SPTLC3: variants seen among roughly 807,000 people sequenced by gnomAD.
SPTLC3 encodes serine palmitoyltransferase long chain base subunit 3.
A neutral mutation model predicts 59.3 loss-of-function variants in SPTLC3; 36 were observed. That is an observed-to-expected ratio of 0.61 (90% CI 0.47 to 0.80). The LOEUF is 0.80. Ranked by LOEUF, SPTLC3 falls within the 30% of genes least tolerant of loss-of-function variation. SPTLC3 has a pLI of 0.00. For missense variants in SPTLC3, 625 were observed against 685.1 expected (o/e 0.91, Z 0.98); for synonymous variants, 257 against 240.8 (o/e 1.07, Z -0.62).
chr20:13,043,895 AG>A (rs1987105293), intron 1 of SPTLC3, among the ~76,000 whole-genome samples: 1 of 152,066 alleles, frequency 6.6e-6, no homozygotes, highest in Admixed American at 6.6e-5. Context: ...CAGGGATAAC[AG>A]GTTGATAAGA....
chr20:13,021,308 T>C lies in SPTLC3; in HGVS notation c.117+11924T>C, dbSNP rs989569815. On this transcript the variant is annotated intron_variant, in intron 1 of 11. Transcript: ENST00000399002. ...GCCCCTCTATTCTTTTCTAACTGCA[T>C]ATCTCTCATGAAGATCTGATCTTGT... 2.0e-5 allele frequency among the ~76,000 whole-genome samples: 3 copies of C among 152,214 alleles called. No individual in the cohort carries two copies. The South Asian group carries it at 6.2e-4, about 32-fold the overall frequency.
At chr20:13,059,192 G>A in intron 2 of SPTLC3, among the ~76,000 whole-genome samples, 1 of 152,080 alleles carries the variant, frequency 6.6e-6, no homozygotes, top group East Asian at 1.9e-4. Context: ...CTACATGACT[G>A]CTGTTTTTAT....
chr20:13,014,760 G>A (rs928254509), intron 1 of SPTLC3, among the ~76,000 whole-genome samples: 6 of 149,700 alleles, frequency 4.0e-5, no homozygotes, highest in Admixed American at 2.0e-4. Flanking sequence ...GGGAGATGGC[G>A]TACAACACAT....
rs1178252278 is a variant in SPTLC3 at position 13,072,365 on chromosome 20, T to G, written c.413T>G (p.Phe138Cys). 1 of 1,613,092 alleles carries G rather than the reference T, an allele frequency of 6.2e-7. No homozygotes were observed. Among genetic ancestry groups the G allele is most frequent in the Middle Eastern group, 1.6e-4 (1 of 6,080 alleles). The change falls in exon 3 of 12, where the codon TTT (phenylalanine) becomes TGT (cysteine). Residue 138 changes from phenylalanine to cysteine, a missense_variant. Coordinates refer to ENST00000399002, the MANE Select transcript of SPTLC3 (RefSeq NM_018327.4). ...ATCTGCAGTGCCCCAGGGCCTCTGTTTGATTTGATGGAGAGGGTATCAGAC... is the reference window on the plus strand; with the variant it reads ...ATCTGCAGTGCCCCAGGGCCTCTGTGTGATTTGATGGAGAGGGTATCAGAC... ...RPICSAPGPL[F>C]DLMERVSDDY...
chr20:13,072,114 C>A, intron 2 of SPTLC3, 142 bp from the exon 3 acceptor site: 1 of 839,430 alleles, frequency 1.2e-6, no homozygotes. Flanking sequence ...GATTTACTTC[C>A]CTCACCTACT....
At chr20:13,058,010 C>T (rs1015862372) in intron 2 of SPTLC3, among the ~76,000 whole-genome samples, 2 of 152,036 alleles carry the variant, frequency 1.3e-5, no homozygotes, top group African/African-American at 2.4e-5. Context: ...CTGCAAAATC[C>T]GATATAACAT....
At position 13,164,836 on chromosome 20, in the gene SPTLC3, A is replaced by G; in HGVS notation, c.1628A>G (p.Tyr543Cys). Residue 543 changes from tyrosine to cysteine, a missense_variant, in exon 12 of 12, where the codon TAT becomes TGT. By Grantham distance (194) the Tyr-to-Cys change is radical (BLOSUM62 -2). Coordinates refer to ENST00000399002, the MANE Select transcript of SPTLC3 (RefSeq NM_018327.4). ...AAGAAGTCAGCACGTCCTGAGCTCTATGATGAGACGAGCTTTGAACTCGAA... is the reference window on the plus strand; with the variant it reads ...AAGAAGTCAGCACGTCCTGAGCTCTGTGATGAGACGAGCTTTGAACTCGAA... ...RHKKSARPEL[Y>C]DETSFELED 1 of 1,613,738 alleles carries G rather than the reference A, an allele frequency of 6.2e-7. No homozygotes were observed. Among genetic ancestry groups the G allele is most frequent in the Non-Finnish European group, 8.5e-7 (1 of 1,179,806 alleles).
intron 1 of SPTLC3, among the ~76,000 whole-genome samples, chr20:13,016,209 G>A (rs1326154090): frequency 1.3e-5 from 2 of 152,036 alleles, no homozygotes; most frequent in African/African-American, 4.8e-5. Flanking sequence ...AAAAGGGAAG[G>A]AAAGGAATAT....
intron 1 of SPTLC3, among the ~76,000 whole-genome samples, chr20:13,020,228 G>C (rs1025349687): frequency 1.4e-4 from 22 of 152,096 alleles, no homozygotes; most frequent in Admixed American, 4.6e-4. Context: ...AATTGGATTA[G>C]AGGGTGGGTG....
At chr20:13,025,917 G>T (rs1042192797) in intron 1 of SPTLC3, among the ~76,000 whole-genome samples, 4 of 151,996 alleles carry the variant, frequency 2.6e-5, no homozygotes, top group African/African-American at 9.7e-5. Context: ...AGTGTGTGTT[G>T]TTCCTCTATA....
At chr20:13,044,161 G>A (rs1190973246) in intron 1 of SPTLC3, among the ~76,000 whole-genome samples, 1 of 149,162 alleles carries the variant, frequency 6.7e-6, no homozygotes, top group Non-Finnish European at 1.5e-5. Context: ...GTGCAGTGAT[G>A]CAATCTTGGC....
At chr20:13,015,819 A>G (rs1047765341) in intron 1 of SPTLC3, among the ~76,000 whole-genome samples, 2 of 152,116 alleles carry the variant, frequency 1.3e-5, no homozygotes, top group Non-Finnish European at 2.9e-5. Flanking sequence ...TTGTTAATCT[A>G]TTAAAGTATA....
intron 10 of SPTLC3, among the ~76,000 whole-genome samples, chr20:13,157,035 G>C (rs990416293): frequency 6.6e-6 from 1 of 152,148 alleles, no homozygotes; most frequent in African/African-American, 2.4e-5. Context: ...ATATCACAGA[G>C]TACTAAATAT....
chr20:13,110,393 TG>T (rs1990162318), intron 7 of SPTLC3, among the ~76,000 whole-genome samples, 176 bp downstream of exon 7: 1 of 152,178 alleles, frequency 6.6e-6, no homozygotes, highest in African/African-American at 2.4e-5. Context: ...TCTGTCTTTT[TG>T]ATGACTCTAT....
chr20:13,159,870 C>T (rs1381542728), intron 10 of SPTLC3, 133 bp from the exon 11 acceptor site: 3 of 1,235,452 alleles, frequency 2.4e-6, no homozygotes, highest in Non-Finnish European at 3.3e-6. Flanking sequence ...CTTCAATCAT[C>T]TTCCACTTAT....
chr20:13,070,188 C>T (rs1988384282), intron 2 of SPTLC3, among the ~76,000 whole-genome samples: 1 of 152,098 alleles, frequency 6.6e-6, no homozygotes, highest in African/African-American at 2.4e-5. Context: ...TAAATCATAA[C>T]AAAACCTACA....
chr20:13,110,557 A>ATTCAAGAT (rs1990173149), intron 7 of SPTLC3, among the ~76,000 whole-genome samples: 1 of 152,270 alleles, frequency 6.6e-6, no homozygotes, highest in African/African-American at 2.4e-5. Context: ...CAAGATCAAA[A>ATTCAAGAT]CACTCCTTGC....
At chr20:13,048,135 C>T (rs1360359103) in intron 1 of SPTLC3, among the ~76,000 whole-genome samples, 2 of 152,048 alleles carry the variant, frequency 1.3e-5, no homozygotes, top group Non-Finnish European at 2.9e-5. Context: ...GCTAACTATC[C>T]TAAATATATA....
chr20:13,081,750 C>T (rs557709424), intron 4 of SPTLC3, among the ~76,000 whole-genome samples: 1 of 152,224 alleles, frequency 6.6e-6, no homozygotes, highest in East Asian at 1.9e-4. Flanking sequence ...ACCACAAAAC[C>T]TTTCTTCATG....
Sources: gnomAD v4.1 joint callset for allele counts (sites outside exome capture counted in the v4.1 genomes callset) on GRCh38, gnomAD v4.1.1 for gene constraint, MANE v1.5 for transcripts, NCBI Gene and HGNC (gene_info 2026-07-23, HGNC 2026-07-21) for gene names.